Variants in ITGBL1 observed in about 807,000 individuals in gnomAD.
ITGBL1 encodes the protein integrin subunit beta like 1.
In ITGBL1, 51 loss-of-function variants were observed where a neutral mutation model predicts 68.5. The observed-to-expected ratio is 0.74, with a 90% CI of 0.59 to 0.94. ITGBL1 has a LOEUF of 0.94. Among genes scored for constraint, ITGBL1 ranks in the 40% least tolerant of loss-of-function variants. The pLI is 0.00. For synonymous variants in ITGBL1, 209 were observed against 227.3 expected, an observed-to-expected ratio of 0.92 and a Z score of 0.72; for missense variants, 649 against 647.4, an observed-to-expected ratio of 1.00 and a Z score of -0.03.
Position 101,453,864 on chromosome 13 carries a change from T to C in ITGBL1, c.99-19T>C. On this transcript the variant is annotated intron_variant, in intron 1 of 10. Coordinates refer to ENST00000376180, the MANE Select transcript of ITGBL1 (RefSeq NM_004791.3). ...GTCCGCGTCTGACCCGGCCTGCCGG[T>C]TGCTTGTCGCCCGCGCAGGAGCTGG... 1 of 1,233,836 alleles carries C rather than the reference T, an allele frequency of 8.1e-7. No homozygotes were observed. Among genetic ancestry groups the C allele is most frequent in the Non-Finnish European group, 1.0e-6 (1 of 990,576 alleles). The allele number at this position is 1,233,836 out of a possible 1,614,324, so 76.4% of individuals were successfully genotyped here.
At chr13:101,580,914 G>A (rs897050436) in intron 5 of ITGBL1, among the ~76,000 whole-genome samples, 1 of 152,220 alleles carries the variant, frequency 6.6e-6, no homozygotes, top group African/African-American at 2.4e-5. Context: ...AGCTATGGCA[G>A]AGGCAGAATG....
chr13:101,472,164 A>C lies in ITGBL1; in HGVS notation c.316+18064A>C, dbSNP rs139659276. 5.3e-5 allele frequency among the ~76,000 whole-genome samples: 8 copies of C among 152,272 alleles called. No homozygotes were observed. The East Asian group carries it at 1.5e-3, about 29-fold the overall frequency. ...AAAATTTTCATGTCCCTTCACAAAA[A>C]TCCTTAATTTCCTAAATATAGACTT... On this transcript the variant is annotated intron_variant, in intron 2 of 10. Transcript: ENST00000376180.
chr13:101,526,655 T>TTA (rs1046679456), intron 2 of ITGBL1, among the ~76,000 whole-genome samples: 3 of 112,042 alleles, frequency 2.7e-5, no homozygotes, highest in African/African-American at 1.0e-4. Flanking sequence ...AGCATTGAAG[T>TTA]TATATGTGTG....
At chr13:101,499,135 C>T (rs1484237454) in intron 2 of ITGBL1, among the ~76,000 whole-genome samples, 1 of 152,152 alleles carries the variant, frequency 6.6e-6, no homozygotes, top group Non-Finnish European at 1.5e-5. Context: ...CCTCTTCAGG[C>T]ACAATTTTGC....
At position 101,544,476 on chromosome 13, in the gene ITGBL1, C is replaced by T. The variant is rs368157345; in HGVS notation, c.317-23223C>T. Reference sequence around the variant, plus strand: ...CAGTCTGCCCCTACTAGGGGGGTGCCTCCCAGCTAGGCTCCTCGGGGGTCA... The same window carrying T: ...CAGTCTGCCCCTACTAGGGGGGTGCTTCCCAGCTAGGCTCCTCGGGGGTCA... On this transcript the variant is annotated intron_variant, in intron 2 of 10. Transcript: ENST00000376180. 9.2e-5 allele frequency among the ~76,000 whole-genome samples: 14 copies of T among 152,294 alleles called. No individual in the cohort carries two copies. In the East Asian group the frequency reaches 1.5e-3, roughly 17 times the overall value.
At chr13:101,506,642 T>G (rs750868854) in intron 2 of ITGBL1, among the ~76,000 whole-genome samples, 5 of 152,118 alleles carry the variant, frequency 3.3e-5, no homozygotes, top group African/African-American at 4.8e-5. Context: ...ATATGAAGAG[T>G]GATTCCTGAC....
At chr13:101,557,003 T>C (rs1194499702) in intron 2 of ITGBL1, among the ~76,000 whole-genome samples, 1 of 151,982 alleles carries the variant, frequency 6.6e-6, no homozygotes, top group Non-Finnish European at 1.5e-5. Context: ...AGAATTTGAG[T>C]CAAGCAGTCT....
At chr13:101,662,272 T>C (rs2033108149) in intron 7 of ITGBL1, among the ~76,000 whole-genome samples, 1 of 152,178 alleles carries the variant, frequency 6.6e-6, no homozygotes, top group Non-Finnish European at 1.5e-5. Flanking sequence ...TCTTGACAAT[T>C]AGCATTTACA....
At chr13:101,585,210 ATGTTGG>A (rs1471227998) in intron 6 of ITGBL1, among the ~76,000 whole-genome samples, 1 of 152,086 alleles carries the variant, frequency 6.6e-6, no homozygotes, top group African/African-American at 2.4e-5. Context: ...GTCTGGGAAA[ATGTTGG>A]TGCCATTTAC....
At chr13:101,475,578 A>G (rs2048524036) in intron 2 of ITGBL1, among the ~76,000 whole-genome samples, 1 of 152,192 alleles carries the variant, frequency 6.6e-6, no homozygotes, top group African/African-American at 2.4e-5. Flanking sequence ...CAAGAAGGTT[A>G]TAGAACATCA....
intron 7 of ITGBL1, among the ~76,000 whole-genome samples, chr13:101,621,292 T>G (rs2031571818): frequency 6.6e-6 from 1 of 152,158 alleles, no homozygotes. Flanking sequence ...TTCATCAGCT[T>G]TCAAACACAT....
chr13:101,507,167 G>T (rs1373731492), intron 2 of ITGBL1, among the ~76,000 whole-genome samples: 1 of 152,176 alleles, frequency 6.6e-6, no homozygotes, highest in Non-Finnish European at 1.5e-5. Context: ...GAAATCTTCA[G>T]GAAGATAGTG....
chr13:101,512,029 C>A (rs2049123831), intron 2 of ITGBL1, among the ~76,000 whole-genome samples: 1 of 152,130 alleles, frequency 6.6e-6, no homozygotes, highest in Non-Finnish European at 1.5e-5. Context: ...TGTTGTCATT[C>A]TAATTTGAAA....
Position 101,597,912 on chromosome 13 carries a change from C to G in ITGBL1, c.869-241C>G, listed in dbSNP as rs550671968. On this transcript the variant is annotated intron_variant, in intron 6 of 10. Coordinates refer to ENST00000376180, the MANE Select transcript of ITGBL1 (RefSeq NM_004791.3). ...ATCACATGCACCTGGAATTTGACAG[C>G]TTGAAGTTTATAGCCTTACTAAACT... Among the ~76,000 whole-genome samples, 233 of 152,058 alleles carry G rather than the reference C, an allele frequency of 1.5e-3. 1 individual carries two copies. The highest frequency in any genetic ancestry group is 2.5e-3 in the Admixed American group (38 of 15,248).
At chr13:101,678,375 G>A (rs76485644) in intron 7 of ITGBL1, among the ~76,000 whole-genome samples, 3,076 of 152,104 alleles carry the variant, frequency 0.02, 114 homozygotes, top group African/African-American at 0.069. Flanking sequence ...AGTATATTAT[G>A]TATTTTTCTA....
chr13:101,456,271 C>T (rs958552592), intron 2 of ITGBL1, among the ~76,000 whole-genome samples: 3 of 152,304 alleles, frequency 2.0e-5, no homozygotes, highest in Admixed American at 6.5e-5. Context: ...TCAAAACTTA[C>T]TCTACAGGGC....
chr13:101,628,163 A>G (rs2031849395), intron 7 of ITGBL1, among the ~76,000 whole-genome samples: 1 of 152,136 alleles, frequency 6.6e-6, no homozygotes, highest in South Asian at 2.1e-4. Context: ...GTGGTATTTC[A>G]TCGTTTTAAT....
chr13:101,678,426 A>G (rs776495940), intron 7 of ITGBL1, among the ~76,000 whole-genome samples: 4 of 151,964 alleles, frequency 2.6e-5, no homozygotes, highest in Non-Finnish European at 2.9e-5. Context: ...TTTGCTAATT[A>G]TCCCAGATTT....
chr13:101,595,896 A>C (rs1219489834), intron 6 of ITGBL1, among the ~76,000 whole-genome samples: 1 of 152,338 alleles, frequency 6.6e-6, no homozygotes. Context: ...TCCCATGGTC[A>C]CTGCAGCATT....
Sources: gnomAD v4.1 joint callset for allele counts (sites outside exome capture counted in the v4.1 genomes callset) on GRCh38, gnomAD v4.1.1 for gene constraint, MANE v1.5 for transcripts, NCBI Gene and HGNC (gene_info 2026-07-23, HGNC 2026-07-21) for gene names.